Variants in ACSM1 observed in about 807,000 individuals in gnomAD.
The protein encoded by ACSM1 is acyl-CoA synthetase medium chain family member 1.
A neutral mutation model predicts 75.8 loss-of-function variants in ACSM1; 79 were observed. The ratio of observed to expected loss-of-function variants is 1.04; its 90% CI spans 0.87 to 1.26. ACSM1 has a LOEUF of 1.26. Among genes scored for constraint, ACSM1 ranks in the 50% most tolerant of loss-of-function variants. The pLI, the probability that ACSM1 is intolerant of heterozygous loss-of-function variation, is 0.00. For missense variants in ACSM1, 676 were observed against 720.1 expected (o/e 0.94, Z 0.70); for synonymous variants, 279 against 265.8 (o/e 1.05, Z -0.48).
chr16:20,694,000 T>C (rs1299555290), intron 1 of ACSM1, among the ~76,000 whole-genome samples: 1 of 152,274 alleles, frequency 6.6e-6, no homozygotes, highest in Non-Finnish European at 1.5e-5. Flanking sequence ...TACTTTATGT[T>C]CTTAGCTCCC....
chr16:20,692,574 G>T (rs1390206234), intron 1 of ACSM1, among the ~76,000 whole-genome samples: 1 of 152,092 alleles, frequency 6.6e-6, no homozygotes, highest in Non-Finnish European at 1.5e-5. Flanking sequence ...GACCTAAAAG[G>T]GTATGTGGCT....
chr16:20,642,578 T>G (rs1021298149), intron 7 of ACSM1, among the ~76,000 whole-genome samples: 10 of 152,186 alleles, frequency 6.6e-5, no homozygotes, highest in Non-Finnish European at 1.5e-4. Flanking sequence ...TTGGACCACA[T>G]TTCCTTTTAA....
intron 7 of ACSM1, among the ~76,000 whole-genome samples, chr16:20,659,192 C>T (rs2019162370): frequency 1.3e-5 from 2 of 152,030 alleles, no homozygotes; most frequent in Non-Finnish European, 2.9e-5. Flanking sequence ...TCCAGGTCTT[C>T]CCCCCATTAT....
At chr16:20,647,723 AGAGAAAGGGG>A (rs1228511851) in intron 7 of ACSM1, among the ~76,000 whole-genome samples, 1 of 152,146 alleles carries the variant, frequency 6.6e-6, no homozygotes, top group Non-Finnish European at 1.5e-5. Context: ...TTTACAAAAA[AGAGAAAGGGG>A]GCATGTTGGG....
chr16:20,644,086 A>C (rs1673060), intron 7 of ACSM1, among the ~76,000 whole-genome samples: 44,569 of 151,988 alleles, frequency 0.29, 7,989 homozygotes, highest in African/African-American at 0.5. Flanking sequence ...TTAGCTAGAC[A>C]CAAAAGTTCT....
At chr16:20,686,415 A>G (rs1209945536) in intron 2 of ACSM1, among the ~76,000 whole-genome samples, 1 of 152,130 alleles carries the variant, frequency 6.6e-6, no homozygotes, top group Non-Finnish European at 1.5e-5. Flanking sequence ...TGAAAAAGCC[A>G]TACTCAATTC....
intron 7 of ACSM1, among the ~76,000 whole-genome samples, chr16:20,649,093 A>T (rs551852122): frequency 1.3e-5 from 2 of 152,202 alleles, no homozygotes; most frequent in Non-Finnish European, 2.9e-5. Flanking sequence ...AATCTGGCTC[A>T]TGTCAGTGAT....
chr16:20,661,867 A>G lies in ACSM1; in HGVS notation c.919T>C (p.Leu307=). 1 of 1,604,668 alleles carries G rather than the reference A, an allele frequency of 6.2e-7. No homozygotes were observed. Among genetic ancestry groups the G allele is most frequent in the Non-Finnish European group, 8.5e-7 (1 of 1,172,548 alleles). The part of the protein sequence containing the change: ...FDTKVIIQTL[L]KYPINHFWGV... ...CAAAAGTGGTTAATGGGGTATTTCA[A>G]CAATGTCTGGAAAGGGAAGAGAGAA... Residue 307 remains leucine, a synonymous_variant, in exon 7 of 14, where the codon TTG becomes CTG. Transcript: ENST00000520010.
chr16:20,638,879 C>T (rs1404114556), intron 8 of ACSM1, among the ~76,000 whole-genome samples: 15 of 152,166 alleles, frequency 9.9e-5, no homozygotes, highest in Non-Finnish European at 1.9e-4. Context: ...ATATTGGAGT[C>T]GTGGGTGGAG....
At chr16:20,637,951 C>T (rs534181330) in intron 8 of ACSM1, among the ~76,000 whole-genome samples, 17 of 152,254 alleles carry the variant, frequency 1.1e-4, no homozygotes, top group East Asian at 1.9e-4. Flanking sequence ...ATCAGTGATC[C>T]GTAGGAAGAG....
At chr16:20,668,467 C>G (rs929047370) in intron 6 of ACSM1, among the ~76,000 whole-genome samples, 20 of 152,018 alleles carry the variant, frequency 1.3e-4, no homozygotes, top group African/African-American at 4.8e-4. Context: ...GATGGTGACA[C>G]AGGAGGAGGC....
At chr16:20,683,690 T>A (rs1011761319) in intron 3 of ACSM1, among the ~76,000 whole-genome samples, 1 of 107,158 alleles carries the variant, frequency 9.3e-6, no homozygotes, top group Admixed American at 1.0e-4. Flanking sequence ...CCTGGCTAAT[T>A]CTTTCTTTCT....
intron 5 of ACSM1, among the ~76,000 whole-genome samples, chr16:20,670,692 A>G (rs2019846705): frequency 6.6e-6 from 1 of 152,116 alleles, no homozygotes; most frequent in Admixed American, 6.5e-5. Flanking sequence ...AGATATTCCC[A>G]AGTCTCTGTA....
chr16:20,669,483 C>CA (rs2019767882), intron 6 of ACSM1, among the ~76,000 whole-genome samples: 3 of 149,560 alleles, frequency 2.0e-5, no homozygotes, highest in Non-Finnish European at 3.0e-5. Flanking sequence ...CACACACACA[C>CA]CCCAGCTGCT....
At chr16:20,627,864 GTATACATA>G (rs1472121384) in intron 10 of ACSM1, among the ~76,000 whole-genome samples, 3 of 46,382 alleles carry the variant, frequency 6.5e-5, no homozygotes, top group African/African-American at 9.8e-5. Flanking sequence ...CTCTCTGTAT[GTATACATA>G]TATATATATA....
chr16:20,651,118 T>C (rs912157307), intron 7 of ACSM1, among the ~76,000 whole-genome samples: 1 of 152,198 alleles, frequency 6.6e-6, no homozygotes, highest in Admixed American at 6.5e-5. Context: ...CCAGACTTTC[T>C]CTTCATACCT....
chr16:20,671,421 C>G, intron 5 of ACSM1, 110 bp downstream of exon 5: 1 of 1,221,288 alleles, frequency 8.2e-7, no homozygotes, highest in Non-Finnish European at 1.1e-6. Flanking sequence ...GTCACTTCTA[C>G]TTCCAGTTCC....
chr16:20,643,984 GTGC>G (rs1207212685), intron 7 of ACSM1, among the ~76,000 whole-genome samples: 1 of 152,128 alleles, frequency 6.6e-6, no homozygotes, highest in Non-Finnish European at 1.5e-5. Context: ...TAGACACAGA[GTGC>G]TGATTGGTGT....
chr16:20,654,477 G>A (rs2018833898), intron 7 of ACSM1, among the ~76,000 whole-genome samples: 1 of 152,118 alleles, frequency 6.6e-6, no homozygotes, highest in African/African-American at 2.4e-5. Flanking sequence ...TACAGAATGG[G>A]AGAAAATTTT....
Sources: allele counts gnomAD v4.1 joint callset (sites outside exome capture counted in the v4.1 genomes callset), GRCh38; gene constraint gnomAD v4.1.1; transcripts MANE v1.5; gene names NCBI Gene and HGNC (gene_info 2026-07-23, HGNC 2026-07-21).